TSHZ2: variants seen among roughly 807,000 people sequenced by gnomAD.
The protein encoded by TSHZ2 is teashirt homolog 2.
In TSHZ2, 21 loss-of-function variants were observed where a neutral mutation model predicts 74.4. The observed-to-expected ratio is 0.28, with a 90% CI of 0.20 to 0.41. The LOEUF (loss-of-function observed/expected upper bound fraction) is 0.41, where lower values mean the gene tolerates loss of function less well. Ranked by LOEUF, TSHZ2 falls within the 10% of genes least tolerant of loss-of-function variation. The pLI, the probability that TSHZ2 is intolerant of heterozygous loss-of-function variation, is 1.00. For missense variants in TSHZ2, 1,244 were observed against 1,293.5 expected (o/e 0.96, Z 0.59); for synonymous variants, 540 against 515.3 (o/e 1.05, Z -0.65).
chr20:53,340,937 C>G (rs543646348), intron 2 of TSHZ2, among the ~76,000 whole-genome samples: 1 of 152,156 alleles, frequency 6.6e-6, no homozygotes, highest in Non-Finnish European at 1.5e-5. Context: ...AAAAATTGAG[C>G]GCAATTATTC....
At chr20:53,071,717 T>C (rs552171658) in intron 1 of TSHZ2, among the ~76,000 whole-genome samples, 3 of 152,260 alleles carry the variant, frequency 2.0e-5, no homozygotes, top group East Asian at 3.9e-4. Flanking sequence ...ACAGGTGACA[T>C]GGGTTTTATT....
At chr20:53,135,986 G>C (rs947735416) in intron 1 of TSHZ2, among the ~76,000 whole-genome samples, 1 of 152,180 alleles carries the variant, frequency 6.6e-6, no homozygotes, top group Non-Finnish European at 1.5e-5. Flanking sequence ...ATATCTAAAA[G>C]TGGTCAATTT....
intron 1 of TSHZ2, among the ~76,000 whole-genome samples, chr20:53,051,652 C>T (rs1348730556): frequency 6.6e-6 from 1 of 152,094 alleles, no homozygotes; most frequent in Non-Finnish European, 1.5e-5. Flanking sequence ...GGCCTTGCCA[C>T]CTGGCAAAAA....
chr20:53,484,613 T>C (rs1986245571), intron 2 of TSHZ2, among the ~76,000 whole-genome samples: 1 of 152,056 alleles, frequency 6.6e-6, no homozygotes, highest in Non-Finnish European at 1.5e-5. Context: ...CTTGATCTCA[T>C]AGCCTCATGT....
intron 2 of TSHZ2, among the ~76,000 whole-genome samples, chr20:53,391,115 C>CTTTTGTTTTGTTTTGTTTTG (rs151236380): frequency 4.7e-4 from 69 of 147,664 alleles, no homozygotes; most frequent in African/African-American, 1.5e-3. Flanking sequence ...ATATACTACA[C>CTTTTGTTTTGTTTTGTTTTG]TTTTGTTTTG....
chr20:53,186,420 A>G (rs1288306350), intron 1 of TSHZ2, among the ~76,000 whole-genome samples: 2 of 152,230 alleles, frequency 1.3e-5, no homozygotes, highest in South Asian at 2.1e-4. Context: ...GTACTGAATC[A>G]GAAACCCTAG....
chr20:53,166,509 G>A (rs1173106199), intron 1 of TSHZ2, among the ~76,000 whole-genome samples: 1 of 152,146 alleles, frequency 6.6e-6, no homozygotes, highest in Non-Finnish European at 1.5e-5. Context: ...GGTGGCTCAT[G>A]CATGTAATCC....
chr20:53,095,391 G>A (rs781026014), intron 1 of TSHZ2, among the ~76,000 whole-genome samples: 1 of 152,194 alleles, frequency 6.6e-6, no homozygotes, highest in Non-Finnish European at 1.5e-5. Context: ...AGAGAAATGG[G>A]ATGTGCTGAT....
chr20:52,975,328 T>C (rs572625044), intron 1 of TSHZ2, among the ~76,000 whole-genome samples: 1 of 152,268 alleles, frequency 6.6e-6, no homozygotes, highest in Non-Finnish European at 1.5e-5. Flanking sequence ...TGACTGGACA[T>C]GTCTCCTTTA....
At chr20:53,048,864 G>A (rs974255287) in intron 1 of TSHZ2, among the ~76,000 whole-genome samples, 1 of 152,140 alleles carries the variant, frequency 6.6e-6, no homozygotes, top group African/African-American at 2.4e-5. Context: ...AACACGCCCT[G>A]CGTCACAGGT....
intron 1 of TSHZ2, among the ~76,000 whole-genome samples, chr20:53,175,301 T>C (rs1161377952): frequency 6.6e-6 from 1 of 151,794 alleles, no homozygotes; most frequent in Admixed American, 6.6e-5. Flanking sequence ...CCACCACGCC[T>C]GGCTAATTTT....
chr20:52,990,804 A>G (rs1335571429), intron 1 of TSHZ2, among the ~76,000 whole-genome samples: 1 of 152,230 alleles, frequency 6.6e-6, no homozygotes, highest in Non-Finnish European at 1.5e-5. Flanking sequence ...AATGTTTAGA[A>G]GGTCCATGTG....
At chr20:53,420,570 C>G (rs1298128755) in intron 2 of TSHZ2, among the ~76,000 whole-genome samples, 1 of 152,002 alleles carries the variant, frequency 6.6e-6, no homozygotes, top group Admixed American at 6.5e-5. Context: ...ACTAAAAATA[C>G]AAAAAATTAG....
intron 1 of TSHZ2, among the ~76,000 whole-genome samples, chr20:53,124,180 G>A (rs1367080156): frequency 6.6e-6 from 1 of 152,166 alleles, no homozygotes; most frequent in African/African-American, 2.4e-5. Flanking sequence ...TGCATTTTAT[G>A]TAATCCTGCT....
At chr20:53,143,857 C>G (rs985186913) in intron 1 of TSHZ2, among the ~76,000 whole-genome samples, 1 of 152,092 alleles carries the variant, frequency 6.6e-6, no homozygotes, top group Non-Finnish European at 1.5e-5. Context: ...TTAATTCACG[C>G]AGAGCTGGCT....
Position 53,050,316 on chromosome 20 carries a change from G to C in TSHZ2, c.40+76983G>C, listed in dbSNP as rs540217215. ...TTTACTCTCACTGTTGCTAACCAAA[G>C]AGCAGAGTTAAGTCTGCAAAGAAAG... is the stretch of plus-strand genomic sequence containing the variant. On this transcript the variant is annotated intron_variant, in intron 1 of 2. Transcript: ENST00000371497. Among the ~76,000 whole-genome samples, 5 of 151,816 alleles carry C rather than the reference G, an allele frequency of 3.3e-5. No homozygotes were observed. In the East Asian group the frequency reaches 9.7e-4, roughly 29 times the overall value.
chr20:53,384,420 A>G (rs1474597642), intron 2 of TSHZ2, among the ~76,000 whole-genome samples: 3 of 152,326 alleles, frequency 2.0e-5, no homozygotes, highest in African/African-American at 7.2e-5. Flanking sequence ...GAATACAGCA[A>G]TCTTAATCAT....
intron 2 of TSHZ2, among the ~76,000 whole-genome samples, chr20:53,269,183 C>G (rs2123755693): frequency 6.6e-6 from 1 of 152,178 alleles, no homozygotes; most frequent in Non-Finnish European, 1.5e-5. Flanking sequence ...GCCTGAGGAA[C>G]TGCTTTCCTC....
At chr20:53,469,132 A>G (rs1198160020) in intron 2 of TSHZ2, among the ~76,000 whole-genome samples, 1 of 142,968 alleles carries the variant, frequency 7.0e-6, no homozygotes, top group East Asian at 2.1e-4. Context: ...ACTTATAATT[A>G]TTCAGATAGG....
Sources: allele counts gnomAD v4.1 joint callset (sites outside exome capture counted in the v4.1 genomes callset), GRCh38; gene constraint gnomAD v4.1.1; transcripts MANE v1.5; gene names NCBI Gene and HGNC (gene_info 2026-07-23, HGNC 2026-07-21).